The following DLG2 variants were observed in gnomAD, a reference collection of about 807,000 sequenced individuals.
DLG2 encodes disks large homolog 2.
A neutral mutation model predicts 132.5 loss-of-function variants in DLG2; 45 were observed. The ratio of observed to expected loss-of-function variants is 0.34; its 90% CI spans 0.27 to 0.44. DLG2 has a LOEUF of 0.44. Ranked by LOEUF, DLG2 falls within the 20% of genes least tolerant of loss-of-function variation. DLG2 has a pLI of 1.00. For missense variants in DLG2, 1,045 were observed against 1,196.9 expected, an observed-to-expected ratio of 0.87 and a Z score of 1.87; for synonymous variants, 424 against 419.6, an observed-to-expected ratio of 1.01 and a Z score of -0.13.
chr11:85,208,023 T>C (rs2082016245), intron 4 of DLG2, among the ~76,000 whole-genome samples: 1 of 152,068 alleles, frequency 6.6e-6, no homozygotes, highest in Non-Finnish European at 1.5e-5. Flanking sequence ...CCTCTAGTAA[T>C]AGTACATAGC....
intron 3 of DLG2, among the ~76,000 whole-genome samples, chr11:85,462,070 T>A (rs190538223): frequency 1.4e-4 from 22 of 152,312 alleles, no homozygotes; most frequent in African/African-American, 4.6e-4. Flanking sequence ...TCACTGGCCA[T>A]CAGAGAAATG....
chr11:83,705,246 A>C (rs564670287), intron 18 of DLG2, among the ~76,000 whole-genome samples: 1 of 152,192 alleles, frequency 6.6e-6, no homozygotes, highest in Non-Finnish European at 1.5e-5. Context: ...CAATGTAAAA[A>C]AATTATTTTG....
intron 6 of DLG2, among the ~76,000 whole-genome samples, chr11:84,570,622 C>T (rs1343485743): frequency 1.3e-5 from 2 of 152,260 alleles, no homozygotes; most frequent in East Asian, 3.9e-4. Flanking sequence ...TTGCCTTCCA[C>T]TTTATGAAAG....
chr11:85,074,700 G>A (rs1472248368), intron 6 of DLG2, among the ~76,000 whole-genome samples: 1 of 151,854 alleles, frequency 6.6e-6, no homozygotes, highest in African/African-American at 2.4e-5. Context: ...TCTGGGAAAT[G>A]TCTTCAAGAA....
At chr11:84,403,830 T>G (rs2098839149) in intron 7 of DLG2, among the ~76,000 whole-genome samples, 2 of 152,200 alleles carry the variant, frequency 1.3e-5, no homozygotes, top group Non-Finnish European at 2.9e-5. Flanking sequence ...AATATTGGTC[T>G]TCTGTTGAAA....
At chr11:84,403,626 T>C (rs909446827) in intron 7 of DLG2, among the ~76,000 whole-genome samples, 4 of 152,164 alleles carry the variant, frequency 2.6e-5, no homozygotes, top group African/African-American at 9.7e-5. Flanking sequence ...GGGCTCAAAA[T>C]CCTTCAATGA....
At chr11:83,996,930 A>G (rs150433445) in intron 11 of DLG2, among the ~76,000 whole-genome samples, 444 of 152,266 alleles carry the variant, frequency 2.9e-3, no homozygotes, top group African/African-American at 0.01. Context: ...AAGTAAAGTC[A>G]ATAATAACTT....
At chr11:83,795,058 C>T (rs2042446515) in intron 17 of DLG2, among the ~76,000 whole-genome samples, 1 of 152,126 alleles carries the variant, frequency 6.6e-6, no homozygotes, top group Admixed American at 6.5e-5. Flanking sequence ...CAAGCTAGAA[C>T]AATTTCATTT....
chr11:85,539,020 AC>A (rs1316423370), intron 3 of DLG2, among the ~76,000 whole-genome samples: 2 of 151,842 alleles, frequency 1.3e-5, no homozygotes, highest in African/African-American at 2.4e-5. Context: ...TTTTAAAAAA[AC>A]ACCTTCTCAG....
chr11:84,357,611 A>G (rs1039832532), intron 7 of DLG2, among the ~76,000 whole-genome samples: 2 of 152,052 alleles, frequency 1.3e-5, no homozygotes, highest in Non-Finnish European at 1.5e-5. Context: ...TACTGCTAAA[A>G]GTAGAGGGGG....
intron 6 of DLG2, among the ~76,000 whole-genome samples, chr11:84,666,965 T>C (rs2099700348): frequency 6.6e-6 from 1 of 152,148 alleles, no homozygotes; most frequent in African/African-American, 2.4e-5. Flanking sequence ...AATTTATGTG[T>C]TGTCCTATCT....
At chr11:84,630,927 G>A (rs191929344) in intron 6 of DLG2, among the ~76,000 whole-genome samples, 28 of 148,646 alleles carry the variant, frequency 1.9e-4, no homozygotes, top group Admixed American at 1.4e-3. Context: ...GTCTGTTTCA[G>A]GAAATATGAC....
At chr11:84,668,334 T>C (rs1269821270) in intron 6 of DLG2, among the ~76,000 whole-genome samples, 5 of 152,188 alleles carry the variant, frequency 3.3e-5, no homozygotes, top group African/African-American at 1.2e-4. Context: ...TTTGTAGCTT[T>C]TGTTTCTTCT....
chr11:83,502,932 G>A (rs1177373635), intron 21 of DLG2, among the ~76,000 whole-genome samples: 1 of 151,920 alleles, frequency 6.6e-6, no homozygotes, highest in Non-Finnish European at 1.5e-5. Flanking sequence ...CCTAATTACT[G>A]TAGATAATTA....
At chr11:84,059,613 T>C (rs1463127187) in intron 10 of DLG2, 129 bp from the exon 11 acceptor site, 15 of 753,576 alleles carry the variant, frequency 2.0e-5, no homozygotes, top group Middle Eastern at 3.1e-4. Flanking sequence ...TATTTAAATT[T>C]GGAAGGATGC....
intron 8 of DLG2, among the ~76,000 whole-genome samples, chr11:84,184,869 T>C (rs2154283804): frequency 6.6e-6 from 1 of 152,318 alleles, no homozygotes; most frequent in South Asian, 2.1e-4. Context: ...TTGTCAAAGA[T>C]CAGATGGTTG....
At chr11:85,522,143 TAC>T (rs897866597) in intron 3 of DLG2, among the ~76,000 whole-genome samples, 2 of 152,180 alleles carry the variant, frequency 1.3e-5, no homozygotes, top group Non-Finnish European at 2.9e-5. Context: ...TCTTGCTGTA[TAC>T]AGTCTCAGGA....
rs183792299 is a variant in DLG2 at position 85,398,478 on chromosome 11, A to G, written c.41-113113T>C. ...ACACAAAAAAATCTTCAAAAAATCA[A>G]TGAATCCAGGAGCTGGATTTTTGAA... On this transcript the variant is annotated intron_variant, in intron 3 of 27. Coordinates refer to ENST00000376104, the MANE Select transcript of DLG2 (RefSeq NM_001142699.3). 8.6e-4 allele frequency among the ~76,000 whole-genome samples: 131 copies of G among 152,298 alleles called. 1 individual carries two copies. Among genetic ancestry groups the G allele is most frequent in the Admixed American group, 7.8e-3 (119 of 15,280 alleles).
intron 6 of DLG2, among the ~76,000 whole-genome samples, chr11:84,701,675 G>GA (rs1370764787): frequency 6.6e-6 from 1 of 151,498 alleles, no homozygotes; most frequent in East Asian, 2.0e-4. Context: ...CCTGAAAATA[G>GA]AAAAGATGTA....
Sources: allele counts gnomAD v4.1 joint callset (sites outside exome capture counted in the v4.1 genomes callset), GRCh38; gene constraint gnomAD v4.1.1; transcripts MANE v1.5; gene names NCBI Gene and HGNC (gene_info 2026-07-23, HGNC 2026-07-21).